Variants in AUTS2 observed in about 807,000 individuals in gnomAD.
The protein encoded by AUTS2 is autism susceptibility gene 2 protein.
AUTS2 carries 17 observed loss-of-function variants against 112.4 expected under a neutral mutation model. That is an observed-to-expected ratio of 0.15 (90% confidence interval 0.10 to 0.23). AUTS2 has a LOEUF of 0.23. Among genes scored for constraint, AUTS2 ranks in the 10% least tolerant of loss-of-function variants. The pLI is 1.00. For missense variants in AUTS2, 1,510 were observed against 1,701.6 expected (o/e 0.89, Z 1.98); for synonymous variants, 751 against 702.7 (o/e 1.07, Z -1.09).
chr7:69,651,905 T>C (rs1795306701), intron 1 of AUTS2, among the ~76,000 whole-genome samples: 1 of 152,226 alleles, frequency 6.6e-6, no homozygotes, highest in Non-Finnish European at 1.5e-5. Flanking sequence ...GGATAAAGGT[T>C]AGTATATATT....
At chr7:70,554,069 CTTTT>C (rs35888704) in intron 5 of AUTS2, among the ~76,000 whole-genome samples, 1 of 98,156 alleles carries the variant, frequency 1.0e-5, no homozygotes. Flanking sequence ...TGCACCTGGC[CTTTT>C]TTTTTTTTTT....
At chr7:70,379,814 C>T (rs181714385) in intron 4 of AUTS2, among the ~76,000 whole-genome samples, 59 of 152,308 alleles carry the variant, frequency 3.9e-4, no homozygotes, top group Admixed American at 5.9e-4. Context: ...AAGAACTTCA[C>T]CTTTACCATT....
chr7:70,301,561 A>C (rs186517723), intron 4 of AUTS2, among the ~76,000 whole-genome samples: 48 of 152,270 alleles, frequency 3.2e-4, no homozygotes, highest in Admixed American at 2.9e-3. Context: ...GGTTCTAAAG[A>C]GGGGATTTTG....
At chr7:70,077,185 A>G (rs1228172247) in intron 2 of AUTS2, among the ~76,000 whole-genome samples, 1 of 152,088 alleles carries the variant, frequency 6.6e-6, no homozygotes. Flanking sequence ...GTCACTGGCA[A>G]TATTGTAGAC....
intron 2 of AUTS2, among the ~76,000 whole-genome samples, chr7:69,977,281 T>C (rs967604220): frequency 5.3e-5 from 8 of 152,216 alleles, no homozygotes; most frequent in African/African-American, 1.9e-4. Context: ...GGGCTTGATA[T>C]TATATTCCAT....
intron 4 of AUTS2, among the ~76,000 whole-genome samples, chr7:70,288,498 C>G (rs898444287): frequency 1.3e-5 from 2 of 152,200 alleles, no homozygotes; most frequent in East Asian, 1.9e-4. Context: ...TTTACCCGCT[C>G]TATGCATTTT....
In AUTS2 at chr7:70,190,461, C is replaced by T. The variant is rs990418444; in HGVS notation, c.660+55890C>T. 2.0e-5 allele frequency among the ~76,000 whole-genome samples: 3 copies of T among 152,196 alleles called. No homozygotes were observed. In the East Asian group the frequency reaches 5.8e-4, roughly 29 times the overall value. ...AATTGTCTATTGCTTACTCAGCTAT[C>T]ATTTCACAAATTTCCTCACTGCCGC... On this transcript the variant is annotated intron_variant, in intron 4 of 18. Transcript: ENST00000342771.
intron 1 of AUTS2, among the ~76,000 whole-genome samples, chr7:69,710,424 C>T (rs1348703042): frequency 5.3e-5 from 8 of 152,196 alleles, no homozygotes; most frequent in Non-Finnish European, 1.2e-4. Flanking sequence ...TGGCTTGGCT[C>T]TTTGAGATGC....
intron 5 of AUTS2, among the ~76,000 whole-genome samples, chr7:70,601,806 C>T (rs1479546339): frequency 6.6e-6 from 1 of 152,182 alleles, no homozygotes; most frequent in East Asian, 1.9e-4. Flanking sequence ...CTTCACCAGC[C>T]TCAGCAAGGT....
chr7:70,706,024 TA>T (rs1451558305), intron 6 of AUTS2, among the ~76,000 whole-genome samples: 1 of 152,226 alleles, frequency 6.6e-6, no homozygotes, highest in Non-Finnish European at 1.5e-5. Context: ...GTTTCTATTA[TA>T]AAGCATTTCC....
chr7:70,382,714 C>T (rs1793427418), intron 4 of AUTS2, among the ~76,000 whole-genome samples: 1 of 152,190 alleles, frequency 6.6e-6, no homozygotes, highest in South Asian at 2.1e-4. Flanking sequence ...GTGTACAACT[C>T]ACTCACTGTC....
intron 5 of AUTS2, among the ~76,000 whole-genome samples, chr7:70,456,469 C>T (rs1438979113): frequency 6.6e-6 from 1 of 152,212 alleles, no homozygotes; most frequent in African/African-American, 2.4e-5. Context: ...AATTAATGCC[C>T]ACTTACTGTA....
chr7:69,692,992 G>T (rs889468258), intron 1 of AUTS2, among the ~76,000 whole-genome samples: 1 of 152,152 alleles, frequency 6.6e-6, no homozygotes, highest in Non-Finnish European at 1.5e-5. Context: ...TTGAGAAAAA[G>T]ATCTCTCTCA....
At chr7:69,742,146 A>G (rs1787297723) in intron 1 of AUTS2, among the ~76,000 whole-genome samples, 3 of 142,536 alleles carry the variant, frequency 2.1e-5, no homozygotes, top group African/African-American at 7.9e-5. Flanking sequence ...GGGAGGGCAG[A>G]TGGTCTTTTA....
chr7:70,469,695 C>T (rs1227975403), intron 5 of AUTS2, among the ~76,000 whole-genome samples: 2 of 152,192 alleles, frequency 1.3e-5, no homozygotes, highest in Non-Finnish European at 2.9e-5. Flanking sequence ...GCCTGCAGTG[C>T]AGAAATGTGG....
chr7:70,395,489 A>AG (rs1794038464), intron 4 of AUTS2, among the ~76,000 whole-genome samples: 1 of 152,218 alleles, frequency 6.6e-6, no homozygotes, highest in Non-Finnish European at 1.5e-5. Flanking sequence ...AATCATTATC[A>AG]TTAATAGCTC....
chr7:70,171,793 C>T (rs1397876658), intron 4 of AUTS2, among the ~76,000 whole-genome samples: 1 of 152,124 alleles, frequency 6.6e-6, no homozygotes, highest in Middle Eastern at 3.4e-3. Flanking sequence ...TTTTTGTCAG[C>T]AGGGATGTGA....
chr7:70,067,902 C>G (rs1020510691), intron 2 of AUTS2, among the ~76,000 whole-genome samples: 1 of 151,032 alleles, frequency 6.6e-6, no homozygotes, highest in Non-Finnish European at 1.5e-5. Context: ...GCCAAAATAC[C>G]CAACATCATG....
At chr7:70,480,591 G>A (rs991387111) in intron 5 of AUTS2, among the ~76,000 whole-genome samples, 3 of 152,154 alleles carry the variant, frequency 2.0e-5, no homozygotes, top group Non-Finnish European at 4.4e-5. Context: ...TTGGGAATAA[G>A]ATGATACGTA....
Sources: gnomAD v4.1 joint callset for allele counts (sites outside exome capture counted in the v4.1 genomes callset) on GRCh38, gnomAD v4.1.1 for gene constraint, MANE v1.5 for transcripts, NCBI Gene and HGNC (gene_info 2026-07-23, HGNC 2026-07-21) for gene names.